COMMD7: variants seen among roughly 807,000 people sequenced by gnomAD.
COMMD7 encodes the protein COMM domain-containing protein 7.
Under a neutral mutation model 34.8 loss-of-function variants are expected in COMMD7, and 28 were observed. The ratio of observed to expected loss-of-function variants is 0.80; its 90% CI spans 0.60 to 1.10. COMMD7 has a LOEUF of 1.10. Among genes scored for constraint, COMMD7 ranks in the 50% least tolerant of loss-of-function variants. The probability of loss-of-function intolerance (pLI) is 0.00; values close to 1 mark genes in which losing one functional copy is unlikely to be tolerated. For missense variants in COMMD7, 211 were observed against 241.6 expected (o/e 0.87, Z 0.84); for synonymous variants, 80 against 86.4 (o/e 0.93, Z 0.41).
intron 1 of COMMD7, 56 bp downstream of exon 1, chr20:32,743,248 CCAGG>C: frequency 9.0e-7 from 1 of 1,107,230 alleles, no homozygotes; most frequent in Non-Finnish European, 1.3e-6. Flanking sequence ...CCCCCCCACC[CCAGG>C]CCCGGATCCT....
rs1259194696 is a variant in COMMD7, at chr20:32,712,299, G to C, written c.242-5539C>G. ...AAAAAAAAAAAAAAAAAAAAAGAGA[G>C]AGATCGAGACCATCCTGGACAATGT... On this transcript the variant is annotated intron_variant, in intron 3 of 8. Transcript: ENST00000278980. Among the ~76,000 whole-genome samples the C allele has an allele frequency of 2.1e-5, 3 of 140,864 alleles. No individual in the cohort carries two copies. In the Admixed American group the frequency reaches 2.2e-4, roughly 10 times the overall value. The allele number at this position is 140,864 out of a possible 152,430, so 92.4% of individuals were successfully genotyped here.
At chr20:32,715,595 T>G (rs1192890895) in intron 3 of COMMD7, among the ~76,000 whole-genome samples, 1 of 150,526 alleles carries the variant, frequency 6.6e-6, no homozygotes, top group Non-Finnish European at 1.5e-5. Flanking sequence ...CTGCTTGAAC[T>G]CAGGAGTTCA....
chr20:32,706,830 G>A, intron 3 of COMMD7, 70 bp from the exon 4 acceptor site: 1 of 1,275,518 alleles, frequency 7.8e-7, no homozygotes, highest in Non-Finnish European at 1.1e-6. Flanking sequence ...TATTTAATGG[G>A]CACAACCTAT....
chr20:32,727,831 A>T, intron 3 of COMMD7, 62 bp downstream of exon 3: 1 of 1,342,980 alleles, frequency 7.4e-7, no homozygotes, highest in Admixed American at 1.7e-5. Flanking sequence ...CAATGACTCC[A>T]TGGACTAAAG....
chr20:32,712,673 G>C (rs963497843), intron 3 of COMMD7, among the ~76,000 whole-genome samples: 4 of 148,280 alleles, frequency 2.7e-5, no homozygotes, highest in Admixed American at 6.8e-5. Context: ...AACATGACAC[G>C]TGGGGAAATT....
At chr20:32,740,841 A>G (rs1342441340) in intron 1 of COMMD7, among the ~76,000 whole-genome samples, 1 of 150,350 alleles carries the variant, frequency 6.7e-6, no homozygotes, top group Non-Finnish European at 1.5e-5. Flanking sequence ...GTAAGCATTC[A>G]TGAAGTAAAA....
At chr20:32,730,844 C>T (rs1985795936) in intron 1 of COMMD7, among the ~76,000 whole-genome samples, 2 of 152,068 alleles carry the variant, frequency 1.3e-5, no homozygotes, top group South Asian at 2.1e-4. Context: ...ATTAGAGTCA[C>T]TATACCATTT....
intron 3 of COMMD7, among the ~76,000 whole-genome samples, chr20:32,722,450 T>A (rs1985229019): frequency 1.3e-5 from 2 of 151,892 alleles, no homozygotes. Flanking sequence ...TCTGGCCGGG[T>A]GTGATGGCTC....
chr20:32,715,025 AAAATAAATAAAT>A (rs753830615), intron 3 of COMMD7, among the ~76,000 whole-genome samples: 2 of 150,306 alleles, frequency 1.3e-5, no homozygotes, highest in Non-Finnish European at 3.0e-5. Flanking sequence ...AATAAAAATA[AAAATAAATAAAT>A]AAATAAATAA....
chr20:32,722,678 C>T (rs1395046427), intron 3 of COMMD7, among the ~76,000 whole-genome samples: 5 of 149,518 alleles, frequency 3.3e-5, no homozygotes, highest in East Asian at 3.9e-4. Flanking sequence ...GAGCCGAGAT[C>T]GTGCCACTGC....
intron 8 of COMMD7, 195 bp downstream of exon 8, chr20:32,703,828 G>T: frequency 6.5e-7 from 1 of 1,540,944 alleles, no homozygotes; most frequent in Middle Eastern, 1.7e-4. Flanking sequence ...CTTCAACTGT[G>T]GGGGCTCCAA....
chr20:32,721,335 C>A (rs1344914184), intron 3 of COMMD7, among the ~76,000 whole-genome samples: 12 of 152,150 alleles, frequency 7.9e-5, no homozygotes, highest in Non-Finnish European at 1.6e-4. Flanking sequence ...ATAGGCCGGG[C>A]ACAGTGGCTC....
chr20:32,721,896 CAAA>C (rs34241116), intron 3 of COMMD7, among the ~76,000 whole-genome samples: 7 of 138,954 alleles, frequency 5.0e-5, no homozygotes, highest in Non-Finnish European at 7.7e-5. Context: ...GACGTTGTCT[CAAA>C]AAAAAAAAAA....
At chr20:32,705,428 C>T (rs1342548352) in intron 5 of COMMD7, among the ~76,000 whole-genome samples, 2 of 149,374 alleles carry the variant, frequency 1.3e-5, no homozygotes, top group Non-Finnish European at 3.0e-5. Context: ...GGCTAGAGTG[C>T]AGTGGCATGA....
intron 3 of COMMD7, among the ~76,000 whole-genome samples, chr20:32,717,716 C>T (rs1490761854): frequency 2.0e-5 from 3 of 152,080 alleles, no homozygotes; most frequent in Non-Finnish European, 4.4e-5. Flanking sequence ...CCCCCTTTGA[C>T]TTCCCAAAGT....
chr20:32,743,187 C>G, intron 1 of COMMD7, 121 bp downstream of exon 1: 2 of 837,426 alleles, frequency 2.4e-6, no homozygotes, highest in South Asian at 3.8e-5. Flanking sequence ...CAAACGCCCA[C>G]AAGACGCCGC....
At chr20:32,720,682 C>G (rs147442616) in intron 3 of COMMD7, among the ~76,000 whole-genome samples, 2 of 151,582 alleles carry the variant, frequency 1.3e-5, no homozygotes, top group Non-Finnish European at 2.9e-5. Flanking sequence ...GTTGGTGCAC[C>G]GTAGTCCCAG....
At chr20:32,713,625 C>T (rs1010401986) in intron 3 of COMMD7, among the ~76,000 whole-genome samples, 13 of 152,322 alleles carry the variant, frequency 8.5e-5, no homozygotes, top group Admixed American at 7.9e-4. Flanking sequence ...TGAAGCCACC[C>T]TGTGAGGCTC....
chr20:32,728,245 GCCAGGTGTTATGCCTGTTCTGATCAT>G, intron 1 of COMMD7, 103 bp from the exon 2 acceptor site: 1 of 1,049,576 alleles, frequency 9.5e-7, no homozygotes, highest in Non-Finnish European at 1.5e-6. Flanking sequence ...AACAGTAACA[GCCAGGTGTTATGCCTGTTCTGATCAT>G]CCTATAGTTA....
Sources: gnomAD v4.1 joint callset for allele counts (sites outside exome capture counted in the v4.1 genomes callset) on GRCh38, gnomAD v4.1.1 for gene constraint, MANE v1.5 for transcripts, NCBI Gene and HGNC (gene_info 2026-07-23, HGNC 2026-07-21) for gene names.